ABCC8: variants seen among roughly 807,000 people sequenced by gnomAD.
ABCC8 encodes ATP binding cassette subfamily C member 8, also known as ATP-binding cassette sub-family C member 8.
Under a neutral mutation model 188.0 loss-of-function variants are expected in ABCC8, and 137 were observed. The ratio of observed to expected loss-of-function variants is 0.73; its 90% CI spans 0.63 to 0.84. The LOEUF (loss-of-function observed/expected upper bound fraction) is 0.84. Among genes scored for constraint, ABCC8 ranks in the 40% least tolerant of loss-of-function variants. The pLI is 0.00. For synonymous variants in ABCC8, 797 were observed against 846.5 expected (o/e 0.94, Z 1.01); for missense variants, 1,750 against 2,072.7 (o/e 0.84, Z 3.02).
chr11:17,437,422 A>G (rs939205257), intron 10 of ABCC8, among the ~76,000 whole-genome samples: 1 of 152,382 alleles, frequency 6.6e-6, no homozygotes, highest in Admixed American at 6.5e-5. Context: ...TCAGAGAGGC[A>G]TAGCCAGCCA....
In ABCC8 at chr11:17,392,989, G is replaced by A. The variant is rs1953704498; in HGVS notation, c.*2C>T. ...GTGGGATGGCACTTGGGCTCTGGCAGGTCACTTGTCTGCACGGACGAAGGA... is the reference window on the plus strand; with the variant it reads ...GTGGGATGGCACTTGGGCTCTGGCAAGTCACTTGTCTGCACGGACGAAGGA... On this transcript the variant is annotated 3_prime_UTR_variant, in exon 39 of 39. Transcript: ENST00000389817. 6 of 1,613,970 alleles carry A rather than the reference G, an allele frequency of 3.7e-6. No homozygotes were observed. In the African/African-American group the frequency reaches 5.3e-5, roughly 14 times the overall value.
At chr11:17,396,018 T>C in intron 33 of ABCC8, 88 bp from the exon 34 acceptor site, 1 of 1,542,224 alleles carries the variant, frequency 6.5e-7, no homozygotes, top group East Asian at 2.4e-5. Flanking sequence ...TGTGCAGGTG[T>C]GGGAGGTCAC....
intron 10 of ABCC8, among the ~76,000 whole-genome samples, chr11:17,435,463 C>T (rs1956048869): frequency 6.6e-6 from 1 of 152,202 alleles, no homozygotes; most frequent in African/African-American, 2.4e-5. Context: ...GTTTTTTCAG[C>T]CACCCCATCT....
chr11:17,392,679 A>G, downstream of ABCC8: 1 of 408,752 alleles, frequency 2.4e-6, no homozygotes, highest in Non-Finnish European at 4.6e-6. Context: ...TTCAGCCTCC[A>G]GAACTGTGAG....
intron 21 of ABCC8, among the ~76,000 whole-genome samples, chr11:17,412,190 C>T (rs12280242): frequency 0.14 from 21,116 of 152,126 alleles, 1,945 homozygotes; most frequent in African/African-American, 0.25. Context: ...CCGCGCCTGG[C>T]CTAGTTTTAT....
At chr11:17,443,510 C>G (rs540535940) in intron 8 of ABCC8, 198 bp from the exon 9 acceptor site, 2 of 734,838 alleles carry the variant, frequency 2.7e-6, no homozygotes, top group Admixed American at 2.4e-5. Context: ...ATAATGGGCT[C>G]TCATGCAAGC....
intron 9 of ABCC8, 61 bp downstream of exon 9, chr11:17,443,117 C>T (rs1012119457): frequency 1.3e-5 from 21 of 1,591,638 alleles, no homozygotes; most frequent in African/African-American, 1.2e-4. Context: ...GGGAGGAGAC[C>T]TGCTGCTGTC....
chr11:17,421,968 T>C (rs1041246188), intron 16 of ABCC8, among the ~76,000 whole-genome samples: 1 of 152,218 alleles, frequency 6.6e-6, no homozygotes, highest in Non-Finnish European at 1.5e-5. Flanking sequence ...CTGAAAAGCA[T>C]CTGAGCAGCA....
At chr11:17,434,984 CGT>C (rs57580521) in intron 10 of ABCC8, among the ~76,000 whole-genome samples, 24,843 of 144,546 alleles carry the variant, frequency 0.17, 2,081 homozygotes, top group Non-Finnish European at 0.2. Context: ...CGTGTGTTCG[CGT>C]GTGTGTGTGT....
chr11:17,410,461 C>G (rs368113970), intron 22 of ABCC8, 55 bp downstream of exon 22: 49 of 1,592,626 alleles, frequency 3.1e-5, no homozygotes, highest in South Asian at 3.0e-4. Flanking sequence ...GCCAAGATGC[C>G]TGACAGCCTC....
chr11:17,464,284 C>T (rs1366480470), intron 3 of ABCC8, among the ~76,000 whole-genome samples: 4 of 152,166 alleles, frequency 2.6e-5, no homozygotes, highest in Non-Finnish European at 4.4e-5. Flanking sequence ...AAGCCTGGAT[C>T]CCTGTCCTCA....
chr11:17,393,777 C>G lies in ABCC8; in HGVS notation c.4546-18G>C, dbSNP rs774041537. On this transcript the variant is annotated intron_variant, in intron 37 of 38. Coordinates refer to ENST00000389817, the MANE Select transcript of ABCC8 (RefSeq NM_000352.6). Reference sequence around the variant, plus strand: ...ATGTTTTCCTGCCAAGTGGGGGCAACAGCTGTTGGCTCACCTGCCCAGTGG... The same window carrying G: ...ATGTTTTCCTGCCAAGTGGGGGCAAGAGCTGTTGGCTCACCTGCCCAGTGG... 2.5e-6 allele frequency: 4 copies of G among 1,614,082 alleles called. No homozygotes were observed. The highest frequency in any genetic ancestry group is 3.4e-6 in the Non-Finnish European group (4 of 1,179,914).
chr11:17,450,290 CTTTCTTTCTTTCTTTCTTTCTT>C (rs1956729186), intron 7 of ABCC8, among the ~76,000 whole-genome samples: 1 of 134,730 alleles, frequency 7.4e-6, no homozygotes, highest in African/African-American at 3.3e-5. Context: ...TTCTTTCTTT[CTTTCTTTCTTTCTTTCTTTCTT>C]TCTTTCTTTC....
At chr11:17,430,518 A>G in intron 12 of ABCC8, 1 of 441,146 alleles carries the variant, frequency 2.3e-6, no homozygotes. Context: ...GGTAGAATTT[A>G]GGAGGATTCC....
At chr11:17,401,524 G>A (rs1435374499) in intron 29 of ABCC8, among the ~76,000 whole-genome samples, 1 of 152,196 alleles carries the variant, frequency 6.6e-6, no homozygotes. Flanking sequence ...GGGGGGAGGA[G>A]ATGTAAGCCT....
intron 16 of ABCC8, among the ~76,000 whole-genome samples, chr11:17,417,621 GA>G (rs1955146084): frequency 6.6e-6 from 1 of 152,136 alleles, no homozygotes; most frequent in African/African-American, 2.4e-5. Flanking sequence ...CCTTGCCAAT[GA>G]AATATATACT....
Position 17,427,977 on chromosome 11 carries a change from C to A in ABCC8, c.2041-35G>T. 1 of 1,607,632 alleles carries A rather than the reference C, an allele frequency of 6.2e-7. No individual in the cohort carries two copies. Among genetic ancestry groups the A allele is most frequent in the Non-Finnish European group, 8.5e-7 (1 of 1,176,906 alleles). On this transcript the variant is annotated intron_variant, in intron 14 of 38. Coordinates refer to ENST00000389817, the MANE Select transcript of ABCC8 (RefSeq NM_000352.6). The surrounding 1 kb of genome is among the most constrained non-coding windows in gnomAD (Gnocchi z 5.0). The stretch of plus-strand genomic sequence containing the variant: ...GCGTGTCCCACCGCCCAGGAGAGAA[C>A]AGAAAGGCAGCCAGTTCCCAGTGAA...
chr11:17,465,004 G>C (rs79433403), intron 3 of ABCC8, among the ~76,000 whole-genome samples: 1,774 of 152,350 alleles, frequency 0.012, 30 homozygotes, highest in African/African-American at 0.039. Context: ...TTAGGAAACA[G>C]GTTGAGATGT....
In ABCC8 at chr11:17,397,708, G is replaced by T. The variant is rs1954013799; in HGVS notation, c.3843C>A (p.Gly1281=). The T allele has an allele frequency of 6.2e-7, 1 of 1,613,192 alleles. No homozygotes were observed. The highest frequency in any genetic ancestry group is 8.5e-7 in the Non-Finnish European group (1 of 1,179,998). The change falls in exon 31 of 39, where the codon GGC becomes GGA. Residue 1281 remains glycine, a synonymous_variant. Transcript: ENST00000389817. The part of the protein sequence containing the change: ...LHRELSAGLV[G]LGLTYALMVS... ...CCATTAGGGCGTAGGTAAGGCCCAG[G>T]CCCACCAGGCCAGCAGAGAGCTCCC...
Sources: gnomAD v4.1 joint callset for allele counts (sites outside exome capture counted in the v4.1 genomes callset) on GRCh38, gnomAD v4.1.1 for gene constraint, Gnocchi (gnomAD v3.1) non-coding constraint, MANE v1.5 for transcripts, NCBI Gene and HGNC (gene_info 2026-07-23, HGNC 2026-07-21) for gene names.